HEATR9: variants seen among roughly 807,000 people sequenced by gnomAD.
HEATR9 encodes the protein protein HEATR9.
Under a neutral mutation model 68.2 loss-of-function variants are expected in HEATR9, and 54 were observed. That is an observed-to-expected ratio of 0.79 (90% CI 0.64 to 0.99). The LOEUF is 0.99. Ranked by LOEUF, HEATR9 falls within the 50% of genes least tolerant of loss-of-function variation. The pLI, the probability that HEATR9 is intolerant of heterozygous loss-of-function variation, is 0.00. For missense variants in HEATR9, 662 were observed against 679.7 expected, an observed-to-expected ratio of 0.97 and a Z score of 0.29; for synonymous variants, 241 against 253.5, an observed-to-expected ratio of 0.95 and a Z score of 0.47.
chr17:35,868,655 CT>C lies in HEATR9; in HGVS notation c.87del (p.Glu30AsnfsTer70). 6.2e-7 allele frequency: 1 copy of C among 1,614,160 alleles called. No homozygotes were observed. The highest frequency in any genetic ancestry group is 1.1e-5 in the South Asian group (1 of 91,074). On this transcript the variant is annotated frameshift_variant and splice_region_variant, in exon 1 of 15. Coordinates refer to ENST00000604834, the MANE Select transcript of HEATR9 (RefSeq NM_152781.4). LOFTEE classifies it high-confidence loss of function. Reference protein sequence around the residue: ...YPWLEYPDKTKELRKAMAPVH... With the variant: ...YPWLEYPDKTXELRKAMAPVH... ...CCATTTCTGTCCATCCCAGCCTCAC[CT>C]TTGGTCTTGTCTGGATATTCCAGCC...
At chr17:35,862,671 G>A (rs1348677838) in intron 8 of HEATR9, among the ~76,000 whole-genome samples, 1 of 152,216 alleles carries the variant, frequency 6.6e-6, no homozygotes, top group Non-Finnish European at 1.5e-5. Context: ...GTAAGTTAAG[G>A]AGTGTACTGA....
In HEATR9 at chr17:35,856,908, G is replaced by T; in HGVS notation, c.1153-103C>A. ...GAACATTTCCTTTGTGCTATGTAGA[G>T]TCCCTGCCTTAAGGAGCTCATAGTC... On this transcript the variant is annotated intron_variant, in intron 11 of 14. Coordinates refer to ENST00000604834, the MANE Select transcript of HEATR9 (RefSeq NM_152781.4). The T allele has an allele frequency of 2.8e-6, 3 of 1,077,806 alleles. No individual in the cohort carries two copies. In the South Asian group the frequency reaches 4.1e-5, roughly 15 times the overall value. 66.8% of individuals were successfully genotyped at this position (1,077,806 alleles called of 1,614,324 possible). A position where few individuals can be genotyped will look rare whatever the true frequency, so the allele number is the denominator to read the frequency against.
intron 13 of HEATR9, 130 bp from the exon 14 acceptor site, chr17:35,855,880 T>TA: frequency 2.5e-6 from 2 of 789,554 alleles, no homozygotes; most frequent in Non-Finnish European, 4.3e-6. Context: ...CCAGCTGAGA[T>TA]ACTCCTTTCC....
rs535466821 is a variant in HEATR9, at chr17:35,868,081, G to A, written c.88+574C>T. On this transcript the variant is annotated intron_variant, in intron 1 of 14. Coordinates refer to ENST00000604834, the MANE Select transcript of HEATR9 (RefSeq NM_152781.4). Reference sequence around the variant, plus strand: ...GAGGCGTGAACCACCGTGCCCAGTCGAGAATTTGCATTTCTAACAAGATGC... The same window carrying A: ...GAGGCGTGAACCACCGTGCCCAGTCAAGAATTTGCATTTCTAACAAGATGC... 7.9e-5 allele frequency among the ~76,000 whole-genome samples: 12 copies of A among 152,282 alleles called. No individual in the cohort carries two copies. In the East Asian group the frequency reaches 1.4e-3, roughly 17 times the overall value.
chr17:35,864,634 A>G, intron 4 of HEATR9, 81 bp from the exon 5 acceptor site: 48 of 1,584,732 alleles, frequency 3.0e-5, no homozygotes, highest in Non-Finnish European at 4.0e-5. Context: ...ATCCAATCCA[A>G]TCCCTTTTCC....
chr17:35,859,508 T>G (rs1440045207), intron 8 of HEATR9, among the ~76,000 whole-genome samples: 1 of 152,150 alleles, frequency 6.6e-6, no homozygotes, highest in African/African-American at 2.4e-5. Context: ...ATTGTTTGAC[T>G]CCACAAGGGA....
At position 35,858,480 on chromosome 17, in the gene HEATR9, C is replaced by G; in HGVS notation, c.985G>C (p.Val329Leu). 6.2e-7 allele frequency: 1 copy of G among 1,614,082 alleles called. No individual in the cohort carries two copies. The highest frequency in any genetic ancestry group is 1.1e-5 in the South Asian group (1 of 91,070). The change falls in exon 10 of 15, where the codon GTC becomes CTC. Residue 329 changes from valine (V) to leucine (L), a missense_variant. Transcript: ENST00000604834. ...AGCTGGTCTAGGATGGCCTTGATGACTGGGGCTGAGTGCACGTGCATCACC... is the reference window on the plus strand; with the variant it reads ...AGCTGGTCTAGGATGGCCTTGATGAGTGGGGCTGAGTGCACGTGCATCACC... ...VKVMHVHSAPVIKAILDQLCS... is the reference protein window; with the variant it reads ...VKVMHVHSAPLIKAILDQLCS...
At chr17:35,860,119 G>A (rs533321418) in intron 8 of HEATR9, among the ~76,000 whole-genome samples, 4 of 151,976 alleles carry the variant, frequency 2.6e-5, no homozygotes, top group South Asian at 2.1e-4. Context: ...TTTTTCGGCC[G>A]GGCACGGTGG....
intron 1 of HEATR9, among the ~76,000 whole-genome samples, chr17:35,868,365 A>T (rs1399220578): frequency 6.6e-6 from 1 of 152,218 alleles, no homozygotes; most frequent in Non-Finnish European, 1.5e-5. Flanking sequence ...GGAACACCCT[A>T]TGCAAAGATT....
At chr17:35,859,685 C>G (rs899367587) in intron 8 of HEATR9, among the ~76,000 whole-genome samples, 1 of 152,242 alleles carries the variant, frequency 6.6e-6, no homozygotes, top group African/African-American at 2.4e-5. Flanking sequence ...CAGTCCAACT[C>G]TCTACTTTGT....
chr17:35,864,335 A>G, intron 5 of HEATR9, 33 bp from the exon 6 acceptor site: 1 of 1,582,630 alleles, frequency 6.3e-7, no homozygotes, highest in East Asian at 2.2e-5. Context: ...AAGAGAAGGA[A>G]ACTTGGACAT....
In HEATR9 at chr17:35,868,753, T is replaced by A; in HGVS notation, c.-11A>T. The A allele has an allele frequency of 6.2e-7, 1 of 1,613,978 alleles. No individual in the cohort carries two copies. The highest frequency in any genetic ancestry group is 8.5e-7 in the Non-Finnish European group (1 of 1,179,888). ...TTTTTCATAGGCCATCTTCTTCTCC[T>A]GGTGGGGCCAGAGGGAACCTGCAGG... On this transcript the variant is annotated 5_prime_UTR_variant, in exon 1 of 15. Transcript: ENST00000604834.
chr17:35,863,713 T>C, intron 6 of HEATR9, 154 bp from the exon 7 acceptor site: 1 of 748,402 alleles, frequency 1.3e-6, no homozygotes, highest in Non-Finnish European at 2.3e-6. Flanking sequence ...ACAGCCAAAA[T>C]GGTTCAATGG....
intron 1 of HEATR9, chr17:35,868,451 C>G: frequency 1.2e-6 from 1 of 850,494 alleles, no homozygotes. Context: ...ACAGGTGTCC[C>G]ATCTTAGAGA....
intron 7 of HEATR9, 32 bp downstream of exon 7, chr17:35,863,450 AGAAAGTGGTTGCACTTTCTC>A: frequency 1.9e-6 from 3 of 1,573,724 alleles, no homozygotes; most frequent in South Asian, 1.1e-5. Flanking sequence ...TACCCAAAGG[AGAAAGTGGTTGCACTTTCTC>A]AACTCCCCAC....
chr17:35,868,531 C>CT (rs1185213607), intron 1 of HEATR9, 124 bp downstream of exon 1: 1 of 1,498,986 alleles, frequency 6.7e-7, no homozygotes, highest in Non-Finnish European at 8.9e-7. Context: ...GTCCAAGGGC[C>CT]TGCCCTGATG....
At chr17:35,858,172 T>C in intron 11 of HEATR9, 28 bp downstream of exon 11, 1 of 1,614,054 alleles carries the variant, frequency 6.2e-7, no homozygotes, top group South Asian at 1.1e-5. Context: ...TGGGTGTCTC[T>C]GGGCTTGGGA....
At chr17:35,868,573 C>G in intron 1 of HEATR9, 82 bp downstream of exon 1, 1 of 1,594,324 alleles carries the variant, frequency 6.3e-7, no homozygotes, top group South Asian at 1.1e-5. Context: ...TCACCTAGAC[C>G]CTTGCCTGGG....
rs1370742654 is a variant in HEATR9, at chr17:35,864,227, CA to C, written c.567+18del. On this transcript the variant is annotated intron_variant, in intron 6 of 14. Coordinates refer to ENST00000604834, the MANE Select transcript of HEATR9 (RefSeq NM_152781.4). ...CCCTGTTTCCTTCTTTCCTGAACTC[CA>C]GCAGTTCTCAGACTCACCACCTGCT... The C allele has an allele frequency of 1.3e-6, 2 of 1,599,864 alleles. No homozygotes were observed. The highest frequency in any genetic ancestry group is 2.2e-5 in the South Asian group (2 of 90,776).
Sources: gnomAD v4.1 joint callset for allele counts (sites outside exome capture counted in the v4.1 genomes callset) on GRCh38, gnomAD v4.1.1 for gene constraint, MANE v1.5 for transcripts, NCBI Gene and HGNC (gene_info 2026-07-23, HGNC 2026-07-21) for gene names.